Variants in CDH7 observed in about 807,000 individuals in gnomAD.
CDH7 encodes the protein cadherin 7.
In CDH7, 25 loss-of-function variants were observed where a neutral mutation model predicts 71.8. That is an observed-to-expected ratio of 0.35 (90% confidence interval 0.25 to 0.49). CDH7 has a LOEUF of 0.49. Ranked by LOEUF, CDH7 falls within the 20% of genes least tolerant of loss-of-function variation. The probability of loss-of-function intolerance (pLI) is 0.99; values close to 1 mark genes in which losing one functional copy is unlikely to be tolerated. For missense variants in CDH7, 862 were observed against 974.6 expected, an observed-to-expected ratio of 0.88 and a Z score of 1.54; for synonymous variants, 381 against 363.8, an observed-to-expected ratio of 1.05 and a Z score of -0.54.
intron 1 of CDH7, among the ~76,000 whole-genome samples, chr18:65,752,484 A>G (rs1239956305): frequency 6.6e-6 from 1 of 152,272 alleles, no homozygotes; most frequent in Non-Finnish European, 1.5e-5. Context: ...TGAAGCGTTC[A>G]GTAACTCACC....
At chr18:65,865,582 A>G (rs1913728971) in intron 11 of CDH7, 2 of 152,154 alleles carry the variant, frequency 1.3e-5, no homozygotes, top group Admixed American at 1.3e-4. Context: ...TTCCATTTCT[A>G]TAGTGACCAC....
At position 65,890,101 on chromosome 18, in the gene CDH7, G is replaced by A. The variant is rs1914465606; in HGVS notation, c.*9207G>A. On this transcript the variant is annotated 3_prime_UTR_variant, in exon 12 of 12. Transcript: ENST00000397968. ...GCCAGGTGTCTCCCATTTTTTAATGGTAGCTTAACTTCACCTGAAGCCTCC... is the reference window on the plus strand; with the variant it reads ...GCCAGGTGTCTCCCATTTTTTAATGATAGCTTAACTTCACCTGAAGCCTCC... 1 of 151,964 alleles carries A rather than the reference G, an allele frequency of 6.6e-6. No homozygotes were observed. Among genetic ancestry groups the A allele is most frequent in the Non-Finnish European group, 1.5e-5 (1 of 67,988 alleles). The allele number at this position is 151,964 out of a possible 1,614,324, so 9.4% of individuals were successfully genotyped here.
chr18:65,844,015 C>T lies in CDH7; in HGVS notation c.1185C>T (p.Ile395=), dbSNP rs949487050. ...CGGAAGCTACCCAGGTTGGGAATAT[C>T]ATTGGCACTGTAGCAGCTCATGACC... ...EVSEATQVGN[I]IGTVAAHDPD... is the part of the protein sequence containing the mutation. Residue 395 remains isoleucine, a synonymous_variant, in exon 7 of 12, where the codon ATC becomes ATT. Transcript: ENST00000397968. 8 of 1,612,938 alleles carry T rather than the reference C, an allele frequency of 5.0e-6. No individual in the cohort carries two copies. The Middle Eastern group carries it at 4.9e-4, about 99-fold the overall frequency.
intron 2 of CDH7, among the ~76,000 whole-genome samples, chr18:65,767,100 T>C (rs1324424756): frequency 6.6e-6 from 1 of 150,892 alleles, no homozygotes; most frequent in African/African-American, 2.4e-5. Context: ...TTTCTTTTTT[T>C]TTTTTTTGGC....
At chr18:65,872,210 G>GT (rs1913948297) in intron 11 of CDH7, among the ~76,000 whole-genome samples, 1 of 152,068 alleles carries the variant, frequency 6.6e-6, no homozygotes, top group Non-Finnish European at 1.5e-5. Flanking sequence ...CACATGCCAT[G>GT]TAAAAAAAAG....
At chr18:65,759,237 CTT>C (rs567835037) in intron 1 of CDH7, among the ~76,000 whole-genome samples, 4 of 142,924 alleles carry the variant, frequency 2.8e-5, no homozygotes, top group African/African-American at 5.1e-5. Flanking sequence ...TGCCCATTAT[CTT>C]TTTTTTTTTT....
At chr18:65,820,767 C>T (rs1376239986) in intron 4 of CDH7, among the ~76,000 whole-genome samples, 1 of 152,142 alleles carries the variant, frequency 6.6e-6, no homozygotes, top group Non-Finnish European at 1.5e-5. Context: ...GACTACCAGA[C>T]TTCTATCTTA....
intron 6 of CDH7, among the ~76,000 whole-genome samples, chr18:65,842,394 A>T (rs12604422): frequency 6.6e-6 from 1 of 151,798 alleles, no homozygotes; most frequent in East Asian, 1.9e-4. Flanking sequence ...ATATATATAT[A>T]TGTGTATATT....
intron 1 of CDH7, among the ~76,000 whole-genome samples, chr18:65,756,743 G>A (rs1449998098): frequency 6.6e-6 from 1 of 152,146 alleles, no homozygotes; most frequent in African/African-American, 2.4e-5. Flanking sequence ...AACATTAAGT[G>A]CCACAAAACC....
At chr18:65,761,665 T>G (rs901895482) in intron 1 of CDH7, among the ~76,000 whole-genome samples, 1 of 152,142 alleles carries the variant, frequency 6.6e-6, no homozygotes, top group African/African-American at 2.4e-5. Context: ...AGTGAGGACT[T>G]TGTCATAAAT....
intron 4 of CDH7, 101 bp from the exon 5 acceptor site, chr18:65,821,980 A>C: frequency 1.2e-6 from 1 of 849,544 alleles, no homozygotes; most frequent in South Asian, 1.5e-5. Flanking sequence ...AAACAACAAA[A>C]GGCAACAACT....
intron 4 of CDH7, 47 bp downstream of exon 4, chr18:65,814,651 T>G: frequency 6.5e-7 from 1 of 1,544,074 alleles, no homozygotes; most frequent in Non-Finnish European, 8.8e-7. Flanking sequence ...ATTTGTTTGC[T>G]GCTTAGAATT....
At chr18:65,786,974 C>T (rs1910537548) in intron 2 of CDH7, among the ~76,000 whole-genome samples, 1 of 152,070 alleles carries the variant, frequency 6.6e-6, no homozygotes, top group Non-Finnish European at 1.5e-5. Context: ...AGGTGCAAAT[C>T]ACTAAGCCCA....
intron 1 of CDH7, among the ~76,000 whole-genome samples, chr18:65,757,521 T>C (rs1487594145): frequency 2.0e-5 from 3 of 152,176 alleles, no homozygotes; most frequent in African/African-American, 7.2e-5. Context: ...CATGGAAAAA[T>C]ATTATAAATT....
In CDH7 at chr18:65,886,584, T is replaced by C. The variant is rs1011929000; in HGVS notation, c.*5690T>C. The C allele has an allele frequency of 1.3e-5, 2 of 152,146 alleles. No homozygotes were observed. The highest frequency in any genetic ancestry group is 4.8e-5 in the African/African-American group (2 of 41,434). The allele number at this position is 152,146 out of a possible 1,614,324, so 9.4% of individuals were successfully genotyped here. On this transcript the variant is annotated 3_prime_UTR_variant, in exon 12 of 12. Transcript: ENST00000397968. ...CTGCCTTTAGATGATCCCAGCCTCA[T>C]TGATGAACACAAAACACCAGAATAG... is the stretch of plus-strand genomic sequence containing the variant.
chr18:65,814,700 C>T (rs1911663065), intron 4 of CDH7, 96 bp downstream of exon 4: 13 of 1,020,064 alleles, frequency 1.3e-5, no homozygotes, highest in African/African-American at 6.5e-5. Context: ...AATAACATAC[C>T]ATTTTATTAT....
intron 11 of CDH7, among the ~76,000 whole-genome samples, chr18:65,871,611 A>T (rs925333492): frequency 2.6e-5 from 4 of 152,128 alleles, no homozygotes; most frequent in Non-Finnish European, 5.9e-5. Context: ...GATGACTTGG[A>T]GTTTCTGGTT....
intron 11 of CDH7, among the ~76,000 whole-genome samples, chr18:65,872,090 T>A (rs1913943881): frequency 6.6e-6 from 1 of 152,112 alleles, no homozygotes; most frequent in African/African-American, 2.4e-5. Context: ...AAAATAAAAT[T>A]GTTTATTTTC....
intron 6 of CDH7, among the ~76,000 whole-genome samples, chr18:65,841,012 A>T (rs922668367): frequency 6.6e-6 from 1 of 152,044 alleles, no homozygotes; most frequent in Non-Finnish European, 1.5e-5. Flanking sequence ...TAAAAATTTA[A>T]TTTTTTTATT....
Sources: gnomAD v4.1 joint callset for allele counts (sites outside exome capture counted in the v4.1 genomes callset) on GRCh38, gnomAD v4.1.1 for gene constraint, MANE v1.5 for transcripts, NCBI Gene and HGNC (gene_info 2026-07-23, HGNC 2026-07-21) for gene names.